ABCG2: variants seen among roughly 807,000 people sequenced by gnomAD.
ABCG2 encodes broad substrate specificity ATP-binding cassette transporter ABCG2.
In ABCG2, 80 loss-of-function variants were observed where a neutral mutation model predicts 73.5. That is an observed-to-expected ratio of 1.09 (90% confidence interval 0.91 to 1.31). The LOEUF (loss-of-function observed/expected upper bound fraction) is 1.31. ABCG2 is among the 50% of genes most tolerant of loss of function. ABCG2 has a pLI of 0.00. For missense variants in ABCG2, 796 were observed against 786.2 expected (o/e 1.01, Z -0.15); for synonymous variants, 269 against 282.4 (o/e 0.95, Z 0.48).
intron 1 of ABCG2, among the ~76,000 whole-genome samples, chr4:88,210,550 TAG>T (rs1729553621): frequency 6.6e-6 from 1 of 152,012 alleles, no homozygotes; most frequent in Non-Finnish European, 1.5e-5. Flanking sequence ...AAGCCCCATA[TAG>T]TTAAAAGTGT....
intron 1 of ABCG2, among the ~76,000 whole-genome samples, chr4:88,225,691 T>C (rs1730183606): frequency 6.6e-6 from 1 of 152,202 alleles, no homozygotes; most frequent in African/African-American, 2.4e-5. Flanking sequence ...TGATGGGATC[T>C]CTGCTCAGTG....
At chr4:88,132,687 A>G in intron 2 of ABCG2, 52 bp from the exon 3 acceptor site, 2 of 1,597,978 alleles carry the variant, frequency 1.3e-6, no homozygotes, top group Admixed American at 1.7e-5. Flanking sequence ...GTCAGGTTCT[A>G]TTAATTTAGG....
At chr4:88,115,710 T>C (rs1342756900) in intron 7 of ABCG2, among the ~76,000 whole-genome samples, 7 of 151,904 alleles carry the variant, frequency 4.6e-5, no homozygotes, top group Admixed American at 4.6e-4. Flanking sequence ...GGTCCTTACC[T>C]ATCATAATTC....
chr4:88,101,055 A>G (rs1235783969), intron 11 of ABCG2, among the ~76,000 whole-genome samples, 175 bp downstream of exon 11: 2 of 152,160 alleles, frequency 1.3e-5, no homozygotes, highest in African/African-American at 2.4e-5. Context: ...TTTTCAAAAC[A>G]TCATGTTGTA....
intron 1 of ABCG2, among the ~76,000 whole-genome samples, chr4:88,205,454 AC>A (rs1248292017): frequency 6.6e-6 from 1 of 152,208 alleles, no homozygotes; most frequent in Non-Finnish European, 1.5e-5. Flanking sequence ...ACAGACTCCA[AC>A]TAACTTGGCA....
chr4:88,190,983 TC>T (rs1397478971), intron 1 of ABCG2, among the ~76,000 whole-genome samples: 1 of 151,822 alleles, frequency 6.6e-6, no homozygotes, highest in African/African-American at 2.4e-5. Context: ...ACGCCTGTAA[TC>T]CCAGCACTTT....
At position 88,131,888 on chromosome 4, in the gene ABCG2, T is replaced by G; in HGVS notation, c.293A>C (p.Asp98Ala). The change falls in exon 4 of 16, where the codon GAT becomes GCT. Residue 98 changes from aspartate (D) to alanine (A), a missense_variant. Transcript: ENST00000237612. ...AACATCTCCAGATAATCCACTTGGATCTTTCCTTGCAGCTAAGACATCTAA... is the reference window on the plus strand; with the variant it reads ...AACATCTCCAGATAATCCACTTGGAGCTTTCCTTGCAGCTAAGACATCTAA... ...SLLDVLAARK[D>A]PSGLSGDVLI... 1 of 1,613,990 alleles carries G rather than the reference T, an allele frequency of 6.2e-7. No individual in the cohort carries two copies. Among genetic ancestry groups the G allele is most frequent in the Admixed American group, 1.7e-5 (1 of 60,010 alleles).
intron 1 of ABCG2, among the ~76,000 whole-genome samples, chr4:88,191,623 A>G (rs947339996): frequency 2.6e-5 from 4 of 152,242 alleles, no homozygotes; most frequent in African/African-American, 9.6e-5. Flanking sequence ...TCCAAGACAA[A>G]TGACAGCCTA....
intron 1 of ABCG2, among the ~76,000 whole-genome samples, chr4:88,156,335 A>G (rs558572071): frequency 2.2e-5 from 3 of 139,470 alleles, no homozygotes; most frequent in Non-Finnish European, 4.6e-5. Context: ...AGATCGTGCC[A>G]CTGCACTCCA....
intron 14 of ABCG2, among the ~76,000 whole-genome samples, 173 bp downstream of exon 14, chr4:88,095,347 C>A (rs1721912197): frequency 6.6e-6 from 1 of 152,174 alleles, no homozygotes; most frequent in African/African-American, 2.4e-5. Context: ...AAATGACTCC[C>A]CAGCCTTGTG....
At chr4:88,209,282 C>CCTGG (rs1729494517) in intron 1 of ABCG2, among the ~76,000 whole-genome samples, 2 of 144,694 alleles carry the variant, frequency 1.4e-5, no homozygotes, top group Non-Finnish European at 1.5e-5. Flanking sequence ...TGCACTCCAG[C>CCTGG]CTGGGCGACA....
At position 88,140,001 on chromosome 4, in the gene ABCG2, G is replaced by A. The variant is rs763172520; in HGVS notation, c.-6C>T. On this transcript the variant is annotated 5_prime_UTR_variant, in exon 2 of 16. Transcript: ENST00000237612. ...TCGACATTACTGGAAGACATCTGGA[G>A]AGTTTTTATCTTTCTGCAGACAGAA... 2.7e-5 allele frequency: 43 copies of A among 1,613,272 alleles called. No homozygotes were observed. The highest frequency in any genetic ancestry group is 3.6e-5 in the Non-Finnish European group (43 of 1,179,748).
At chr4:88,225,673 C>T (rs1355691740) in intron 1 of ABCG2, among the ~76,000 whole-genome samples, 1 of 152,204 alleles carries the variant, frequency 6.6e-6, no homozygotes, top group East Asian at 1.9e-4. Flanking sequence ...TGAGTCATGA[C>T]AGGCTCCTGA....
chr4:88,129,982 A>G lies in ABCG2; in HGVS notation c.531+1079T>C, dbSNP rs968261635. Among the ~76,000 whole-genome samples, 3 of 152,226 alleles carry G rather than the reference A, an allele frequency of 2.0e-5. No individual in the cohort carries two copies. In the South Asian group the frequency reaches 6.2e-4, roughly 32 times the overall value. ...ATACAAAAGTCTGTAAACATTTGGC[A>G]GAAGAAAAAGAGGCAGAGAAGGGAG... On this transcript the variant is annotated intron_variant, in intron 5 of 15. Transcript: ENST00000237612.
At chr4:88,170,287 G>A (rs1727707916) in intron 1 of ABCG2, among the ~76,000 whole-genome samples, 2 of 151,964 alleles carry the variant, frequency 1.3e-5, no homozygotes, top group African/African-American at 4.8e-5. Flanking sequence ...ATGCTCTCAT[G>A]CCTTATGCAC....
intron 8 of ABCG2, 110 bp from the exon 9 acceptor site, chr4:88,113,663 C>A: frequency 7.1e-7 from 1 of 1,405,544 alleles, no homozygotes; most frequent in East Asian, 2.3e-5. Flanking sequence ...CATTCTAAAG[C>A]TTTAGAAAGA....
At position 88,200,669 on chromosome 4, in the gene ABCG2, C is replaced by T. The variant is rs543186940; in HGVS notation, c.-20+30325G>A. ...CTTGGACTACAGGTGCCTGTCACCA[C>T]GCCTGGCTAATTTTTTGTGTTTTTA... On this transcript the variant is annotated intron_variant, in intron 1 of 15. Coordinates refer to the ABCG2 transcript ENST00000515655. Among the ~76,000 whole-genome samples the T allele has an allele frequency of 5.7e-4, 86 of 152,078 alleles. 1 individual carries two copies. Among genetic ancestry groups the T allele is most frequent in the African/African-American group, 1.9e-3 (80 of 41,476 alleles).
intron 1 of ABCG2, among the ~76,000 whole-genome samples, chr4:88,169,290 C>T (rs926269737): frequency 2.6e-5 from 4 of 152,070 alleles, no homozygotes; most frequent in Admixed American, 6.6e-5. Context: ...ATGATCCACC[C>T]GTCTCAGCCT....
intron 1 of ABCG2, among the ~76,000 whole-genome samples, chr4:88,202,354 T>TATATATATATATATGTATATATATATA: frequency 1.6e-5 from 1 of 62,080 alleles, no homozygotes; most frequent in South Asian, 8.1e-4. Context: ...CTACAATTAT[T>TATATATATATATATGTATATATATATA]TATATATATA....
Sources: allele counts gnomAD v4.1 joint callset (sites outside exome capture counted in the v4.1 genomes callset), GRCh38; gene constraint gnomAD v4.1.1; transcripts MANE v1.5; gene names NCBI Gene and HGNC (gene_info 2026-07-23, HGNC 2026-07-21).